Variants in SOX5 observed in about 807,000 individuals in gnomAD.
The protein encoded by SOX5 is SRY-box transcription factor 5.
In SOX5, 9 loss-of-function variants were observed where a neutral mutation model predicts 92.0. The ratio of observed to expected loss-of-function variants is 0.10; its 90% CI spans 0.06 to 0.17. The LOEUF (loss-of-function observed/expected upper bound fraction) is 0.17, where lower values mean the gene tolerates loss of function less well. SOX5 is among the 10% of genes least tolerant of loss of function. The pLI, the probability that SOX5 is intolerant of heterozygous loss-of-function variation, is 1.00. For missense variants in SOX5, 642 were observed against 944.5 expected (o/e 0.68, Z 4.20); for synonymous variants, 344 against 336.3 (o/e 1.02, Z -0.25).
rs60575337 is a variant in SOX5, at chr12:23,726,118, C to CGAGAGAGAGAGA, written c.810+8554_810+8565dup. ...TAATGGTGTTAAATACATACATCCCCGAGAGAGAGAGAGAGAGAGAGAGAG... is the reference window on the plus strand; with the variant it reads ...TAATGGTGTTAAATACATACATCCCCGAGAGAGAGAGAGAGAGAGAGAGAGAGAGAGAGAGAG... On this transcript the variant is annotated intron_variant, in intron 6 of 14. Coordinates refer to ENST00000451604, the MANE Select transcript of SOX5 (RefSeq NM_006940.6). Among the ~76,000 whole-genome samples the CGAGAGAGAGAGA allele has an allele frequency of 1.5e-3, 181 of 123,650 alleles. 7 individuals carry two copies. Among genetic ancestry groups the CGAGAGAGAGAGA allele is most frequent in the East Asian group, 2.7e-3 (12 of 4,428 alleles). The allele number at this position is 123,650 out of a possible 152,430, so 81.1% of individuals were successfully genotyped here.
At chr12:23,585,618 A>C (rs1014560778) in intron 9 of SOX5, among the ~76,000 whole-genome samples, 2 of 152,188 alleles carry the variant, frequency 1.3e-5, no homozygotes, top group South Asian at 4.1e-4. Context: ...GCAGTACAGT[A>C]ATAGTGATAT....
intron 1 of SOX5, among the ~76,000 whole-genome samples, chr12:24,435,584 CAATA>C (rs753317496): frequency 2.0e-5 from 3 of 152,004 alleles, no homozygotes; most frequent in Non-Finnish European, 4.4e-5. Context: ...AATATGTGTT[CAATA>C]AATATTTACA....
At chr12:24,499,326 G>A (rs569464225) in intron 1 of SOX5, among the ~76,000 whole-genome samples, 1 of 152,334 alleles carries the variant, frequency 6.6e-6, no homozygotes, top group South Asian at 2.1e-4. Context: ...TAGGGCTTAA[G>A]AGGAATGTCT....
At chr12:24,236,865 A>AAGGTCAATCCCAGCCCCTCAAAAAT (rs1565720826) in intron 3 of SOX5, among the ~76,000 whole-genome samples, 1 of 152,032 alleles carries the variant, frequency 6.6e-6, no homozygotes, top group Non-Finnish European at 1.5e-5. Flanking sequence ...CACTGAGTGA[A>AAGGTCAATCCCAGCCCCTCAAAAAT]AGGTCAATCC....
At chr12:23,995,157 G>A (rs922713723) in intron 4 of SOX5, among the ~76,000 whole-genome samples, 2 of 152,062 alleles carry the variant, frequency 1.3e-5, no homozygotes, top group African/African-American at 4.8e-5. Context: ...GTCTTTTCTT[G>A]GCAAATTTGA....
intron 2 of SOX5, among the ~76,000 whole-genome samples, chr12:23,850,747 G>A (rs1468969102): frequency 6.6e-6 from 1 of 151,984 alleles, no homozygotes; most frequent in African/African-American, 2.4e-5. Flanking sequence ...TAAAATGTCT[G>A]CACGAAACCC....
chr12:23,734,629 G>A, intron 6 of SOX5, 55 bp downstream of exon 6: 1 of 1,332,470 alleles, frequency 7.5e-7, no homozygotes, highest in Non-Finnish European at 1.1e-6. Context: ...TTAAGGATAA[G>A]AAACAGAATA....
At chr12:24,039,690 C>T (rs1012454540) in intron 4 of SOX5, among the ~76,000 whole-genome samples, 6 of 152,098 alleles carry the variant, frequency 3.9e-5, no homozygotes, top group African/African-American at 1.4e-4. Flanking sequence ...AAAATTTTGT[C>T]CATATCCTAC....
intron 6 of SOX5, among the ~76,000 whole-genome samples, chr12:23,705,273 AG>A (rs752403666): frequency 5.9e-5 from 9 of 151,992 alleles, no homozygotes; most frequent in Non-Finnish European, 1.3e-4. Flanking sequence ...CACAGACTAA[AG>A]TGGCCAAGTA....
intron 1 of SOX5, among the ~76,000 whole-genome samples, chr12:23,912,742 T>C (rs1426479269): frequency 2.6e-5 from 4 of 151,988 alleles, no homozygotes; most frequent in Non-Finnish European, 4.4e-5. Context: ...TTCACAAAGG[T>C]CTACATATTC....
At chr12:24,148,421 G>C (rs1951289913) in intron 4 of SOX5, among the ~76,000 whole-genome samples, 1 of 145,012 alleles carries the variant, frequency 6.9e-6, no homozygotes, top group Non-Finnish European at 1.5e-5. Flanking sequence ...CTTGAACCCA[G>C]GAGGCGGAGG....
intron 2 of SOX5, among the ~76,000 whole-genome samples, chr12:24,317,477 C>T (rs908076848): frequency 6.6e-6 from 1 of 152,174 alleles, no homozygotes; most frequent in African/African-American, 2.4e-5. Context: ...CAGTCTTGGT[C>T]TAGTCATTTA....
chr12:23,958,115 TA>T (rs1946484934), intron 4 of SOX5, among the ~76,000 whole-genome samples: 1 of 151,886 alleles, frequency 6.6e-6, no homozygotes, highest in Admixed American at 6.6e-5. Context: ...AAGCACATCT[TA>T]AAAAAATAAA....
chr12:24,300,514 T>A (rs948797770), intron 2 of SOX5, among the ~76,000 whole-genome samples: 3 of 152,220 alleles, frequency 2.0e-5, no homozygotes, highest in Non-Finnish European at 4.4e-5. Context: ...ACATATCCAC[T>A]GAGCGGTATA....
chr12:24,044,168 C>A (rs3899208), intron 4 of SOX5, among the ~76,000 whole-genome samples: 3 of 151,924 alleles, frequency 2.0e-5, no homozygotes, highest in African/African-American at 7.3e-5. Flanking sequence ...TATATGTATA[C>A]GCAAAATGTA....
chr12:24,099,462 T>A (rs1299989675), intron 4 of SOX5, among the ~76,000 whole-genome samples: 1 of 152,194 alleles, frequency 6.6e-6, no homozygotes, highest in Non-Finnish European at 1.5e-5. Flanking sequence ...TGAATTCGGA[T>A]GAAGGAGCTA....
chr12:23,738,698 G>T (rs2093690856), intron 5 of SOX5, among the ~76,000 whole-genome samples: 1 of 152,142 alleles, frequency 6.6e-6, no homozygotes, highest in Non-Finnish European at 1.5e-5. Context: ...CAGGACATGT[G>T]TGCCCTCAGA....
Position 23,908,303 on chromosome 12 carries a change from G to A in SOX5, c.39-12279C>T, listed in dbSNP as rs116750301. 3.7e-3 allele frequency among the ~76,000 whole-genome samples: 566 copies of A among 152,164 alleles called. 4 individuals carry two copies. Among genetic ancestry groups the A allele is most frequent in the African/African-American group, 0.013 (540 of 41,508 alleles). ...GAGAAAGGAGGCCCACAGCTAAAAT[G>A]AGTACTGAACATCAGCATCAGATTT... On this transcript the variant is annotated intron_variant, in intron 1 of 14. Coordinates refer to ENST00000451604, the MANE Select transcript of SOX5 (RefSeq NM_006940.6).
chr12:24,047,064 CCTTTGGAGGTACGAATAACACTTT>C (rs779252399), intron 4 of SOX5, among the ~76,000 whole-genome samples: 2 of 152,130 alleles, frequency 1.3e-5, no homozygotes, highest in African/African-American at 2.4e-5. Context: ...ATTTTTTCCC[CCTTTGGAGGTACGAATAACACTTT>C]CTTGGTTTTT....
Sources: gnomAD v4.1 joint callset for allele counts (sites outside exome capture counted in the v4.1 genomes callset) on GRCh38, gnomAD v4.1.1 for gene constraint, MANE v1.5 for transcripts, NCBI Gene and HGNC (gene_info 2026-07-23, HGNC 2026-07-21) for gene names.